The following NTM variants were observed in gnomAD, a reference collection of about 807,000 sequenced individuals.
The protein encoded by NTM is IgLON family member 2.
In NTM, 13 loss-of-function variants were observed where a neutral mutation model predicts 42.1. The ratio of observed to expected loss-of-function variants is 0.31; its 90% CI spans 0.20 to 0.49. NTM has a LOEUF of 0.49. Ranked by LOEUF, NTM falls within the 20% of genes least tolerant of loss-of-function variation. The pLI, the probability that NTM is intolerant of heterozygous loss-of-function variation, is 0.99. For synonymous variants in NTM, 187 were observed against 179.2 expected, an observed-to-expected ratio of 1.04 and a Z score of -0.35; for missense variants, 373 against 452.8, an observed-to-expected ratio of 0.82 and a Z score of 1.60.
chr11:132,052,003 G>A (rs970090422), intron 2 of NTM, among the ~76,000 whole-genome samples: 10 of 152,120 alleles, frequency 6.6e-5, no homozygotes, highest in African/African-American at 2.4e-4. Flanking sequence ...CAGGTGGGAG[G>A]CAAGAGAACT....
intron 1 of NTM, among the ~76,000 whole-genome samples, chr11:131,588,663 A>G (rs947696513): frequency 2.0e-5 from 3 of 152,376 alleles, no homozygotes; most frequent in South Asian, 4.1e-4. Flanking sequence ...TAGTCCTGCT[A>G]TAATTTTACT....
At chr11:131,662,821 G>A (rs1422647757) in intron 1 of NTM, among the ~76,000 whole-genome samples, 4 of 152,084 alleles carry the variant, frequency 2.6e-5, no homozygotes, top group South Asian at 2.1e-4. Context: ...AGCTTGGGGC[G>A]GGGAACGCTG....
intron 1 of NTM, among the ~76,000 whole-genome samples, chr11:131,840,402 G>A (rs1051741570): frequency 1.3e-5 from 2 of 152,286 alleles, no homozygotes; most frequent in Admixed American, 6.5e-5. Context: ...GGAAGGTGGA[G>A]TGATCGATCA....
chr11:132,212,084 C>T lies in NTM; in HGVS notation c.463C>T (p.Leu155Phe). 1.9e-6 allele frequency: 3 copies of T among 1,613,674 alleles called. No individual in the cohort carries two copies. Among genetic ancestry groups the T allele is most frequent in the East Asian group, 2.2e-5 (1 of 44,850 alleles). The change falls in exon 4 of 9, where the codon CTC becomes TTC. Residue 155 changes from leucine (L) to phenylalanine (F), a missense_variant. Around this residue, in one of 3 missense-constraint regions of NTM, gnomAD observed 312 missense variants for 353.5 expected, o/e 0.88. Coordinates refer to ENST00000683400, the MANE Select transcript of NTM (RefSeq NM_001352005.2). ...CATTAATGAAGGGAACAATATTAGC[C>T]TCACCTGCATAGCAACTGGTAGACC... ...ISINEGNNIS[L>F]TCIATGRPEP...
chr11:131,903,998 T>C (rs935087048), intron 1 of NTM, among the ~76,000 whole-genome samples: 8 of 152,294 alleles, frequency 5.3e-5, no homozygotes, highest in Admixed American at 4.6e-4. Flanking sequence ...AGCAGTGACT[T>C]ATCTAAGGTG....
At chr11:132,161,769 C>G (rs932066054) in intron 3 of NTM, among the ~76,000 whole-genome samples, 19 of 152,256 alleles carry the variant, frequency 1.2e-4, no homozygotes, top group Admixed American at 1.2e-3. Context: ...CTGCGCCATC[C>G]CCGGACCCTT....
At chr11:131,710,012 T>C (rs1406994067) in intron 1 of NTM, among the ~76,000 whole-genome samples, 1 of 152,156 alleles carries the variant, frequency 6.6e-6, no homozygotes, top group Non-Finnish European at 1.5e-5. Flanking sequence ...AGTCCGTGTG[T>C]TGACTGAGAA....
chr11:131,967,960 C>G (rs1156244691), intron 2 of NTM, among the ~76,000 whole-genome samples: 1 of 152,152 alleles, frequency 6.6e-6, no homozygotes, highest in Non-Finnish European at 1.5e-5. Context: ...GTTTCTCCTC[C>G]CCAAAGTCCC....
At chr11:131,594,970 T>A (rs1021674101) in intron 1 of NTM, among the ~76,000 whole-genome samples, 2 of 152,242 alleles carry the variant, frequency 1.3e-5, no homozygotes, top group Non-Finnish European at 2.9e-5. Flanking sequence ...CTCTTACTTA[T>A]AAAACTGGTC....
At chr11:131,510,426 T>A (rs868530935) in intron 1 of NTM, among the ~76,000 whole-genome samples, 5 of 152,086 alleles carry the variant, frequency 3.3e-5, no homozygotes, top group Non-Finnish European at 5.9e-5. Flanking sequence ...ATGGGTCTGC[T>A]TACCAACTGC....
chr11:132,140,771 G>A (rs767496114), intron 2 of NTM, among the ~76,000 whole-genome samples: 3 of 152,176 alleles, frequency 2.0e-5, no homozygotes, highest in South Asian at 4.1e-4. Flanking sequence ...CCATGGCAGC[G>A]TGTGTGGGTA....
chr11:131,915,854 C>T (rs1309861031), intron 2 of NTM, among the ~76,000 whole-genome samples: 2 of 152,150 alleles, frequency 1.3e-5, no homozygotes, highest in African/African-American at 2.4e-5. Context: ...AAAACTGCCC[C>T]GATGATTCAA....
chr11:131,958,836 G>A (rs541836243), intron 2 of NTM, among the ~76,000 whole-genome samples: 22 of 152,262 alleles, frequency 1.4e-4, no homozygotes, highest in African/African-American at 4.3e-4. Flanking sequence ...TTATGGTGAC[G>A]AAATGAAGGA....
intron 1 of NTM, among the ~76,000 whole-genome samples, chr11:131,464,539 G>A (rs930158032): frequency 6.6e-6 from 1 of 151,936 alleles, no homozygotes; most frequent in Non-Finnish European, 1.5e-5. Flanking sequence ...TCTCTTCCTG[G>A]CTCCCTCCTC....
intron 2 of NTM, among the ~76,000 whole-genome samples, chr11:132,143,671 C>A (rs1221645685): frequency 6.6e-6 from 1 of 152,114 alleles, no homozygotes; most frequent in East Asian, 1.9e-4. Flanking sequence ...CCTGCTTGGA[C>A]CCAAGTGAAG....
intron 1 of NTM, among the ~76,000 whole-genome samples, chr11:131,545,000 CCTT>C (rs2053742745): frequency 2.0e-5 from 3 of 152,268 alleles, no homozygotes; most frequent in South Asian, 2.1e-4. Context: ...TTAATCCCAT[CCTT>C]CTTTTTACGA....
chr11:131,671,650 C>G, intron 1 of NTM: 3 of 963,454 alleles, frequency 3.1e-6, no homozygotes, highest in Non-Finnish European at 3.7e-6. Context: ...TGAGAACCAC[C>G]AAGACTCAGC....
At chr11:132,124,469 T>C (rs2065349211) in intron 2 of NTM, among the ~76,000 whole-genome samples, 2 of 152,236 alleles carry the variant, frequency 1.3e-5, no homozygotes, top group African/African-American at 4.8e-5. Context: ...ACGAAAGTAC[T>C]TCTCTTCACC....
chr11:131,410,341 C>T (rs1946242597), intron 1 of NTM, among the ~76,000 whole-genome samples: 1 of 151,642 alleles, frequency 6.6e-6, no homozygotes, highest in African/African-American at 2.4e-5. Context: ...AATAAATTAG[C>T]CAGGCCTGGT....
Sources: gnomAD v4.1 joint callset for allele counts (sites outside exome capture counted in the v4.1 genomes callset) on GRCh38, gnomAD v4.1.1 for gene constraint, gnomAD v4.1.1 regional missense constraint, MANE v1.5 for transcripts, NCBI Gene and HGNC (gene_info 2026-07-23, HGNC 2026-07-21) for gene names.